The following BACE1 variants were observed in gnomAD, a reference collection of about 807,000 sequenced individuals.
BACE1 encodes the protein APP beta-secretase.
Under a neutral mutation model 54.0 loss-of-function variants are expected in BACE1, and 21 were observed. The ratio of observed to expected loss-of-function variants is 0.39; its 90% CI spans 0.28 to 0.56. BACE1 has a LOEUF of 0.56. Among genes scored for constraint, BACE1 ranks in the 20% least tolerant of loss-of-function variants. The pLI, the probability that BACE1 is intolerant of heterozygous loss-of-function variation, is 0.63. For missense variants in BACE1, 511 were observed against 661.2 expected (o/e 0.77, Z 2.49); for synonymous variants, 232 against 260.9 (o/e 0.89, Z 1.07).
chr11:117,315,485 C>G lies in BACE1; in HGVS notation c.261+50G>C. On this transcript the variant is annotated intron_variant, in intron 1 of 8. Transcript: ENST00000313005. The surrounding 1 kb of genome is among the most constrained non-coding windows in gnomAD (Gnocchi z 5.5). ...AGCTTGAGGCATCCCCATCCTGTCT[C>G]CCCTCTGCTCATGCAGGCGGAGGGC... The G allele has an allele frequency of 6.4e-7, 1 of 1,555,136 alleles. No homozygotes were observed. Among genetic ancestry groups the G allele is most frequent in the Non-Finnish European group, 8.6e-7 (1 of 1,156,498 alleles).
At chr11:117,294,399 T>C (rs527759975) in intron 3 of BACE1, 1 of 157,354 alleles carries the variant, frequency 6.4e-6, no homozygotes, top group Admixed American at 6.4e-5. Context: ...GTGTTTTCAG[T>C]AGAGATGGGG....
intron 1 of BACE1, among the ~76,000 whole-genome samples, chr11:117,313,598 C>T (rs187193511): frequency 4.6e-5 from 7 of 152,030 alleles, no homozygotes; most frequent in South Asian, 2.1e-4. Flanking sequence ...CCAGGCCCGG[C>T]GAATTATTTT....
In BACE1 at chr11:117,286,918, T is replaced by G. The variant is rs190505132; in HGVS notation, c.*2648A>C. 6.5e-6 allele frequency: 1 copy of G among 152,782 alleles called. No homozygotes were observed. Among genetic ancestry groups the G allele is most frequent in the Admixed American group, 6.5e-5 (1 of 15,300 alleles). 9.5% of individuals were successfully genotyped at this position (152,782 alleles called of 1,614,324 possible). A position where few individuals can be genotyped will look rare whatever the true frequency, so the allele number is the denominator to read the frequency against. ...TGGAAGACCAGTTCTATTGTTCTTT[T>G]TGTTTAGGGGATTCGTTTTTTATCT... is the stretch of plus-strand genomic sequence containing the variant. On this transcript the variant is annotated 3_prime_UTR_variant, in exon 9 of 9. Transcript: ENST00000313005.
intron 5 of BACE1, 31 bp from the exon 6 acceptor site, chr11:117,291,844 CA>C: frequency 6.4e-7 from 1 of 1,558,078 alleles, no homozygotes; most frequent in Non-Finnish European, 8.8e-7. Flanking sequence ...TTAAAAGAGT[CA>C]AAAGGTTTTT....
chr11:117,295,598 C>T, intron 2 of BACE1: 2 of 1,535,554 alleles, frequency 1.3e-6, no homozygotes, highest in South Asian at 1.2e-5. Flanking sequence ...ATCTTGAGCT[C>T]AGGCCCTGTG....
At chr11:117,305,264 G>GC (rs2034805507) in intron 1 of BACE1, among the ~76,000 whole-genome samples, 1 of 152,106 alleles carries the variant, frequency 6.6e-6, no homozygotes, top group African/African-American at 2.4e-5. Flanking sequence ...CTTACCCAAG[G>GC]CTGAGAAAAG....
chr11:117,291,722 G>T lies in BACE1; in HGVS notation c.932C>A (p.Ala311Glu). The T allele has an allele frequency of 1.2e-6, 2 of 1,612,430 alleles. No individual in the cohort carries two copies. The highest frequency in any genetic ancestry group is 1.7e-6 in the Non-Finnish European group (2 of 1,178,594). ...VFEAAVKSIK[A>E]ASSTEKFPDG... ...CCTTAGTCCACTCACGGAGGAGGCT[G>T]CCTTGATGGATTTGACTGCAGCTTC... The change falls in exon 6 of 9, where the codon GCA (alanine) becomes GAA (glutamate). Residue 311 changes from alanine to glutamate, a missense_variant. Physicochemically the swap from Ala to Glu is moderately radical, Grantham distance 107. Transcript: ENST00000313005.
chr11:117,294,689 G>T (rs28989499), intron 3 of BACE1, among the ~76,000 whole-genome samples: 3,464 of 151,670 alleles, frequency 0.023, 122 homozygotes, highest in African/African-American at 0.078. Context: ...TTCGAGACCA[G>T]CCTGGCTAAC....
At chr11:117,292,881 C>T (rs1374525477) in intron 5 of BACE1, 173 bp downstream of exon 5, 16 of 713,346 alleles carry the variant, frequency 2.2e-5, no homozygotes, top group African/African-American at 2.0e-4. Flanking sequence ...GGCCCCAAAC[C>T]GCAGATCCTG....
intron 1 of BACE1, among the ~76,000 whole-genome samples, chr11:117,309,481 G>A (rs779524922): frequency 8.5e-5 from 13 of 152,150 alleles, no homozygotes; most frequent in Non-Finnish European, 1.5e-4. Flanking sequence ...GGCTGGGCGC[G>A]GTGGCTCACG....
At chr11:117,303,743 ATTC>A (rs1195203005) in intron 1 of BACE1, among the ~76,000 whole-genome samples, 1 of 152,200 alleles carries the variant, frequency 6.6e-6, no homozygotes, top group Non-Finnish European at 1.5e-5. Flanking sequence ...TCTAGCTCCA[ATTC>A]TTCTTCCTAT....
chr11:117,292,208 G>A (rs1307224494), intron 5 of BACE1: 1 of 42,738 alleles, frequency 2.3e-5, no homozygotes, highest in Non-Finnish European at 5.7e-5. Flanking sequence ...TTTTTTTTTT[G>A]AGATGGAGTA....
At position 117,295,120 on chromosome 11, in the gene BACE1, GT is replaced by G. The variant is rs1487527505; in HGVS notation, c.567+10del. ...CATAGAGTGTGTAGGGCCAAGCCCT[GT>G]TCCTCTCACCCTGGCAATCTCAGCA... On this transcript the variant is annotated intron_variant, in intron 3 of 8. Coordinates refer to ENST00000313005, the MANE Select transcript of BACE1 (RefSeq NM_012104.6). 4 of 1,612,610 alleles carry G rather than the reference GT, an allele frequency of 2.5e-6. No individual in the cohort carries two copies. In the African/African-American group the frequency reaches 5.3e-5, roughly 22 times the overall value.
chr11:117,315,028 G>C lies in BACE1; in HGVS notation c.261+507C>G, dbSNP rs994315511. On this transcript the variant is annotated intron_variant, in intron 1 of 8. Coordinates refer to ENST00000313005, the MANE Select transcript of BACE1 (RefSeq NM_012104.6). This position sits in a 1 kb window ranked among gnomAD's most constrained non-coding sequence, Gnocchi z 5.5. ...GGGGCCTCGACAACCTCACTTTGCCGTACCAGTGGCAGCCCAGATGGTGGG... is the reference window on the plus strand; with the variant it reads ...GGGGCCTCGACAACCTCACTTTGCCCTACCAGTGGCAGCCCAGATGGTGGG... Among the ~76,000 whole-genome samples, 1 of 152,144 alleles carries C rather than the reference G, an allele frequency of 6.6e-6. No individual in the cohort carries two copies. The highest frequency in any genetic ancestry group is 2.4e-5 in the African/African-American group (1 of 41,432).
At chr11:117,305,464 T>C (rs1433508994) in intron 1 of BACE1, among the ~76,000 whole-genome samples, 1 of 152,046 alleles carries the variant, frequency 6.6e-6, no homozygotes, top group Non-Finnish European at 1.5e-5. Flanking sequence ...TCCACTTGCC[T>C]CTCCTGGCTG....
chr11:117,300,036 T>G (rs2034687879), intron 1 of BACE1, among the ~76,000 whole-genome samples: 1 of 151,862 alleles, frequency 6.6e-6, no homozygotes, highest in Non-Finnish European at 1.5e-5. Flanking sequence ...CCTCCCTGCC[T>G]CCCCCTTCCT....
chr11:117,312,420 A>G (rs140478358), intron 1 of BACE1, among the ~76,000 whole-genome samples: 113 of 150,576 alleles, frequency 7.5e-4, no homozygotes, highest in African/African-American at 2.6e-3. Flanking sequence ...CTTTCTGAAC[A>G]CCTGTGGCAC....
chr11:117,311,781 C>T (rs1298236895), intron 1 of BACE1, among the ~76,000 whole-genome samples: 3 of 152,118 alleles, frequency 2.0e-5, no homozygotes, highest in African/African-American at 4.8e-5. Context: ...GCTGGAACTA[C>T]AGGCACGCGC....
At chr11:117,298,891 C>T (rs149321352) in intron 1 of BACE1, among the ~76,000 whole-genome samples, 451 of 152,276 alleles carry the variant, frequency 3.0e-3, no homozygotes, top group African/African-American at 0.01. Context: ...CTGCCATCTC[C>T]GCCTCCTGGG....
Sources: gnomAD v4.1 joint callset for allele counts (sites outside exome capture counted in the v4.1 genomes callset) on GRCh38, gnomAD v4.1.1 for gene constraint, Gnocchi (gnomAD v3.1) non-coding constraint, MANE v1.5 for transcripts, NCBI Gene and HGNC (gene_info 2026-07-23, HGNC 2026-07-21) for gene names.